Variants in BROX observed in about 807,000 individuals in gnomAD.
The protein encoded by BROX is BRO1 domain and CAAX motif containing.
A neutral mutation model predicts 61.0 loss-of-function variants in BROX; 53 were observed. The observed-to-expected ratio is 0.87, with a 90% CI of 0.70 to 1.09. The LOEUF (loss-of-function observed/expected upper bound fraction) is 1.09. BROX is among the 50% of genes least tolerant of loss of function. The pLI is 0.00. For missense variants in BROX, 489 were observed against 472.0 expected (o/e 1.04, Z -0.33); for synonymous variants, 152 against 160.2 (o/e 0.95, Z 0.38).
At chr1:222,731,900 C>T (rs1657965357) in intron 12 of BROX, among the ~76,000 whole-genome samples, 1 of 152,144 alleles carries the variant, frequency 6.6e-6, no homozygotes, top group Non-Finnish European at 1.5e-5. Context: ...TCTGTGAATC[C>T]AGGTGTAAAA....
At chr1:222,727,488 T>C (rs1268710924) in intron 8 of BROX, among the ~76,000 whole-genome samples, 2 of 152,220 alleles carry the variant, frequency 1.3e-5, no homozygotes, top group African/African-American at 4.8e-5. Flanking sequence ...GCTTTTTTGC[T>C]TAAAATTTTT....
chr1:222,717,684 C>T (rs1656736592), intron 2 of BROX, among the ~76,000 whole-genome samples: 1 of 152,148 alleles, frequency 6.6e-6, no homozygotes, highest in Admixed American at 6.5e-5. Flanking sequence ...TGGAATAAGC[C>T]TCCTTAGAGT....
chr1:222,712,904 T>G lies in BROX; in HGVS notation c.-55T>G. ...GTGGACTCCGATATATTGCCCTTCTTCCCTTAGAAGAACTGCTGAACCGAC... is the reference window on the plus strand; with the variant it reads ...GTGGACTCCGATATATTGCCCTTCTGCCCTTAGAAGAACTGCTGAACCGAC... On this transcript the variant is annotated 5_prime_UTR_variant, in exon 1 of 13. Coordinates refer to ENST00000340934, the MANE Select transcript of BROX (RefSeq NM_144695.4). 8.2e-7 allele frequency: 1 copy of G among 1,225,582 alleles called. No individual in the cohort carries two copies. Among genetic ancestry groups the G allele is most frequent in the Non-Finnish European group, 1.0e-6 (1 of 952,852 alleles). The allele number at this position is 1,225,582 out of a possible 1,614,324, so 75.9% of individuals were successfully genotyped here. A position where few individuals can be genotyped will look rare whatever the true frequency, so the allele number is the denominator to read the frequency against.
intron 4 of BROX, among the ~76,000 whole-genome samples, chr1:222,720,951 G>C (rs183324306): frequency 1.6e-4 from 24 of 152,272 alleles, no homozygotes; most frequent in Admixed American, 6.5e-4. Flanking sequence ...CTTTATTCTT[G>C]ATTGCTGCTT....
intron 12 of BROX, among the ~76,000 whole-genome samples, chr1:222,732,230 A>G (rs1657990128): frequency 6.6e-6 from 1 of 152,000 alleles, no homozygotes; most frequent in Non-Finnish European, 1.5e-5. Flanking sequence ...TATTATTATT[A>G]TACTTTAAGT....
intron 4 of BROX, 98 bp downstream of exon 4, chr1:222,719,457 A>G: frequency 1.3e-6 from 1 of 794,190 alleles, no homozygotes; most frequent in African/African-American, 1.7e-5. Context: ...AGAAAAATAC[A>G]GGTCTGCTCA....
intron 4 of BROX, 98 bp from the exon 5 acceptor site, chr1:222,722,321 A>G (rs985034535): frequency 8.2e-5 from 78 of 947,056 alleles, no homozygotes; most frequent in Non-Finnish European, 1.2e-4. Context: ...ACCAGTTAGC[A>G]TATACTTCTT....
intron 5 of BROX, among the ~76,000 whole-genome samples, chr1:222,723,416 C>T (rs958416095): frequency 2.6e-5 from 4 of 152,214 alleles, no homozygotes; most frequent in African/African-American, 9.6e-5. Context: ...ACTGGGATTA[C>T]AGGCATGATC....
At chr1:222,730,925 G>A (rs1024009023) in intron 11 of BROX, among the ~76,000 whole-genome samples, 10 of 151,910 alleles carry the variant, frequency 6.6e-5, no homozygotes, top group Non-Finnish European at 1.0e-4. Context: ...TTTTCAAGAG[G>A]TTTTCCATTA....
chr1:222,724,731 T>A (rs571831369), intron 6 of BROX, among the ~76,000 whole-genome samples: 2 of 152,294 alleles, frequency 1.3e-5, no homozygotes, highest in Admixed American at 1.3e-4. Context: ...TTTTTCATAT[T>A]AAAATATAAG....
At chr1:222,724,311 T>C (rs1571977381) in intron 6 of BROX, 147 bp downstream of exon 6, 1 of 643,568 alleles carries the variant, frequency 1.6e-6, no homozygotes, top group Admixed American at 3.2e-5. Flanking sequence ...AAGTATGTTA[T>C]TGATGAGTGC....
chr1:222,732,649 G>A lies in BROX; in HGVS notation c.1171G>A (p.Glu391Lys). The A allele has an allele frequency of 3.1e-6, 5 of 1,613,554 alleles. No homozygotes were observed. The highest frequency in any genetic ancestry group is 4.2e-6 in the Non-Finnish European group (5 of 1,179,716). Residue 391 changes from glutamate (E) to lysine (K), a missense_variant, in exon 13 of 13, where the codon GAA becomes AAA. Glu to Lys is a moderately conservative substitution (Grantham distance 56, BLOSUM62 1). Transcript: ENST00000340934. ...CTAGACTAAACCCAAACCAGAAGAAGAAGTGAAACCTGTGAAAGAACCAGA... is the reference window on the plus strand; with the variant it reads ...CTAGACTAAACCCAAACCAGAAGAAAAAGTGAAACCTGTGAAAGAACCAGA... ...DDSTKPKPEE[E>K]VKPVKEPDIK...
Position 222,732,828 on chromosome 1 carries a change from G to A in BROX, c.*114G>A. ...GCTTGTAGAATAACTATTATATTCA[G>A]AGGGTTATCTGCCTTCAGCTTACTT... On this transcript the variant is annotated 3_prime_UTR_variant, in exon 13 of 13. Coordinates refer to ENST00000340934, the MANE Select transcript of BROX (RefSeq NM_144695.4). 2.5e-6 allele frequency: 2 copies of A among 813,940 alleles called. No homozygotes were observed. The highest frequency in any genetic ancestry group is 3.9e-6 in the Non-Finnish European group (2 of 517,458). The allele number at this position is 813,940 out of a possible 1,614,324, so 50.4% of individuals were successfully genotyped here.
At chr1:222,718,612 CAT>C (rs1185178610) in intron 2 of BROX, among the ~76,000 whole-genome samples, 3 of 151,908 alleles carry the variant, frequency 2.0e-5, no homozygotes, top group Non-Finnish European at 4.4e-5. Context: ...TAAAACTTGA[CAT>C]ATATTTTTAT....
intron 1 of BROX, among the ~76,000 whole-genome samples, chr1:222,714,203 A>G (rs1010701802): frequency 6.8e-6 from 1 of 146,574 alleles, no homozygotes; most frequent in Admixed American, 6.8e-5. Flanking sequence ...TAGACAAGAC[A>G]TGCTGCTTTT....
In BROX at chr1:222,715,726, A is replaced by T. The variant is rs762063391; in HGVS notation, c.27A>T (p.Pro9=). MTHWFHRN[P]LKATAPVSFN... ...TGACCCATTGGTTTCATAGGAACCC[A>T]TTAAAAGCCACAGCTCCTGTGTCTT... The change falls in exon 2 of 13, where the codon CCA becomes CCT. Residue 9 remains proline, a synonymous_variant. Transcript: ENST00000340934. 2 of 1,581,700 alleles carry T rather than the reference A, an allele frequency of 1.3e-6. No individual in the cohort carries two copies.
chr1:222,717,426 A>C (rs1334126382), intron 2 of BROX, among the ~76,000 whole-genome samples: 2 of 152,180 alleles, frequency 1.3e-5, no homozygotes, highest in Admixed American at 6.5e-5. Context: ...TTTTTCTCAA[A>C]TTCTGTAATT....
intron 12 of BROX, 60 bp from the exon 13 acceptor site, chr1:222,732,568 T>G (rs1658021413): frequency 1.7e-6 from 2 of 1,208,626 alleles, no homozygotes; most frequent in East Asian, 2.4e-5. Context: ...TGGAAAAGAT[T>G]TAGTGTTTGT....
At chr1:222,728,353 G>T (rs545764844) in intron 8 of BROX, among the ~76,000 whole-genome samples, 32 of 152,276 alleles carry the variant, frequency 2.1e-4, no homozygotes, top group African/African-American at 7.7e-4. Context: ...AGTGATGGGG[G>T]TAGAGAGGAG....
Sources: allele counts gnomAD v4.1 joint callset (sites outside exome capture counted in the v4.1 genomes callset), GRCh38; gene constraint gnomAD v4.1.1; transcripts MANE v1.5; gene names NCBI Gene and HGNC (gene_info 2026-07-23, HGNC 2026-07-21).